FOXP2: variants seen among roughly 807,000 people sequenced by gnomAD.
FOXP2 encodes forkhead box P2.
In FOXP2, 12 loss-of-function variants were observed where a neutral mutation model predicts 115.8. The observed-to-expected ratio is 0.10, with a 90% confidence interval of 0.07 to 0.17. The LOEUF is 0.17. Among genes scored for constraint, FOXP2 ranks in the 10% least tolerant of loss-of-function variants. The pLI, the probability that FOXP2 is intolerant of heterozygous loss-of-function variation, is 1.00. For missense variants in FOXP2, 629 were observed against 843.5 expected, an observed-to-expected ratio of 0.75 and a Z score of 3.15; for synonymous variants, 328 against 297.7, an observed-to-expected ratio of 1.10 and a Z score of -1.05.
At chr7:114,284,960 G>A (rs1434045068) in intron 1 of FOXP2, among the ~76,000 whole-genome samples, 3 of 152,018 alleles carry the variant, frequency 2.0e-5, no homozygotes, top group African/African-American at 7.2e-5. Flanking sequence ...TTACACTTAC[G>A]AATGGGAGCT....
intron 2 of FOXP2, among the ~76,000 whole-genome samples, chr7:114,310,711 TGG>T (rs751298891): frequency 3.6e-4 from 54 of 151,954 alleles, no homozygotes; most frequent in Non-Finnish European, 6.3e-4. Context: ...GGAGGTGGAG[TGG>T]GGGACAAAGG....
intron 2 of FOXP2, among the ~76,000 whole-genome samples, chr7:114,403,750 A>C (rs1792949653): frequency 6.6e-6 from 1 of 152,190 alleles, no homozygotes; most frequent in African/African-American, 2.4e-5. Flanking sequence ...AAAGTGATGG[A>C]GAAATTGTTT....
chr7:114,476,753 A>T (rs1345451182), intron 2 of FOXP2, among the ~76,000 whole-genome samples: 1 of 152,046 alleles, frequency 6.6e-6, no homozygotes, highest in Non-Finnish European at 1.5e-5. Context: ...AACTGTGAGC[A>T]TGGAATATTT....
chr7:114,119,315 G>A (rs768321469), intron 1 of FOXP2, among the ~76,000 whole-genome samples: 14 of 152,122 alleles, frequency 9.2e-5, no homozygotes, highest in Non-Finnish European at 1.9e-4. Context: ...TTTTCTGGCA[G>A]AATGTTTTGT....
At chr7:114,594,364 A>G (rs557981299) in intron 3 of FOXP2, among the ~76,000 whole-genome samples, 97 of 152,106 alleles carry the variant, frequency 6.4e-4, no homozygotes, top group African/African-American at 2.3e-3. Flanking sequence ...TCTTCCACTT[A>G]ATTTTGCTGT....
intron 1 of FOXP2, among the ~76,000 whole-genome samples, chr7:114,235,662 G>C (rs942989285): frequency 4.6e-5 from 7 of 152,058 alleles, no homozygotes; most frequent in African/African-American, 1.7e-4. Flanking sequence ...GCTCCTTACT[G>C]TTCTCAATCA....
intron 2 of FOXP2, among the ~76,000 whole-genome samples, chr7:114,500,366 A>G (rs999184718): frequency 6.6e-6 from 1 of 152,048 alleles, no homozygotes; most frequent in African/African-American, 2.4e-5. Flanking sequence ...CACCTAACCT[A>G]GATGTCTAAG....
intron 1 of FOXP2, among the ~76,000 whole-genome samples, chr7:114,191,519 G>A (rs537252223): frequency 5.3e-5 from 8 of 152,264 alleles, no homozygotes; most frequent in Admixed American, 2.0e-4. Context: ...AATGTGTAGC[G>A]GGCATATGGT....
At position 114,263,325 on chromosome 7, in the gene FOXP2, C is replaced by A. The variant is rs535426061; in HGVS notation, c.-101-24694C>A. Among the ~76,000 whole-genome samples, 13 of 152,008 alleles carry A rather than the reference C, an allele frequency of 8.6e-5. No homozygotes were observed. In the South Asian group the frequency reaches 2.7e-3, roughly 32 times the overall value. On this transcript the variant is annotated intron_variant, in intron 1 of 17. Coordinates refer to the FOXP2 transcript ENST00000634411. ...ATAAACACTCCTCTATTATAGATTA[C>A]CAATTCCTTTATGACTTCTTTTTCT...
In FOXP2 at chr7:114,290,077, T is replaced by G. The variant is rs1473820499; in HGVS notation, c.-11+1968T>G. Among the ~76,000 whole-genome samples the G allele has an allele frequency of 2.6e-5, 4 of 152,062 alleles. No homozygotes were observed. The East Asian group carries it at 7.7e-4, about 29-fold the overall frequency. ...TAAAATAGGGGACTGATAGATCTGTTTATTGTATTCTTGTGAAAATTTAGC... is the reference window on the plus strand; with the variant it reads ...TAAAATAGGGGACTGATAGATCTGTGTATTGTATTCTTGTGAAAATTTAGC... On this transcript the variant is annotated intron_variant, in intron 2 of 17. Transcript: ENST00000634411.
Position 114,454,107 on chromosome 7 carries a change from G to A in FOXP2, c.168+27428G>A, listed in dbSNP as rs1407045606. 1.0e-4 allele frequency among the ~76,000 whole-genome samples: 15 copies of A among 149,440 alleles called. No individual in the cohort carries two copies. The East Asian group carries it at 1.6e-3, about 16-fold the overall frequency. The stretch of plus-strand genomic sequence containing the variant: ...ACCTACAAAATGGGAGAAAATTTTC[G>A]CAACCTACTCATCTGACAAAGGGCT... On this transcript the variant is annotated intron_variant, in intron 2 of 16. Transcript: ENST00000350908.
intron 2 of FOXP2, among the ~76,000 whole-genome samples, chr7:114,344,898 C>T (rs1288014504): frequency 2.0e-5 from 3 of 151,622 alleles, no homozygotes; most frequent in Admixed American, 2.0e-4. Flanking sequence ...AATTAAAGCT[C>T]ACATGCTGTG....
chr7:114,151,409 G>C (rs995337607), intron 1 of FOXP2, among the ~76,000 whole-genome samples: 5 of 151,970 alleles, frequency 3.3e-5, no homozygotes, highest in African/African-American at 1.2e-4. Flanking sequence ...CTATTTTTGT[G>C]AAACTTCTAT....
At chr7:114,590,073 C>G (rs1221456430) in intron 3 of FOXP2, among the ~76,000 whole-genome samples, 2 of 151,994 alleles carry the variant, frequency 1.3e-5, no homozygotes, top group Non-Finnish European at 2.9e-5. Flanking sequence ...GATCATCTAC[C>G]ATGTACATGT....
intron 1 of FOXP2, among the ~76,000 whole-genome samples, chr7:114,236,784 T>C (rs1038633272): frequency 8.6e-5 from 13 of 152,000 alleles, no homozygotes; most frequent in African/African-American, 3.1e-4. Flanking sequence ...CAAGACCAGC[T>C]TTGCCAACAT....
rs904408784 is a variant in FOXP2 at position 114,271,510 on chromosome 7, TATA to T, written c.-101-16505_-101-16503del. On this transcript the variant is annotated intron_variant, in intron 1 of 17. Coordinates refer to the FOXP2 transcript ENST00000634411. ...TATATTTATATAAATATATTAATAA[TATA>T]ATATTAATATAATTATTATATTATT... Among the ~76,000 whole-genome samples, 169 of 131,820 alleles carry T rather than the reference TATA, an allele frequency of 1.3e-3. 1 individual carries two copies. The highest frequency in any genetic ancestry group is 4.5e-3 in the African/African-American group (158 of 35,292). 86.5% of individuals were successfully genotyped at this position (131,820 alleles called of 152,430 possible).
chr7:114,501,719 A>T (rs769543845), intron 2 of FOXP2, among the ~76,000 whole-genome samples: 1 of 152,124 alleles, frequency 6.6e-6, no homozygotes, highest in East Asian at 1.9e-4. Context: ...TCTTAACTAT[A>T]TTTTCCAATA....
intron 1 of FOXP2, among the ~76,000 whole-genome samples, chr7:114,113,858 T>A (rs1326460230): frequency 6.6e-6 from 1 of 152,094 alleles, no homozygotes; most frequent in Admixed American, 6.6e-5. Context: ...AACATGATTA[T>A]TTTTGGGGTA....
At chr7:114,388,896 C>G (rs1247680488) in intron 2 of FOXP2, among the ~76,000 whole-genome samples, 2 of 152,090 alleles carry the variant, frequency 1.3e-5, no homozygotes, top group Non-Finnish European at 2.9e-5. Flanking sequence ...ATCATTTAGG[C>G]CACTATAGAA....
Sources: allele counts gnomAD v4.1 joint callset (sites outside exome capture counted in the v4.1 genomes callset), GRCh38; gene constraint gnomAD v4.1.1; transcripts MANE v1.5; gene names NCBI Gene and HGNC (gene_info 2026-07-23, HGNC 2026-07-21).